Variants in TENM3 observed in about 807,000 individuals in gnomAD.
TENM3 encodes teneurin transmembrane protein 3, also known as teneurin-3.
TENM3 carries 63 observed loss-of-function variants against 255.1 expected under a neutral mutation model. The observed-to-expected ratio is 0.25, with a 90% confidence interval of 0.20 to 0.30. The LOEUF (loss-of-function observed/expected upper bound fraction) is 0.30. Among genes scored for constraint, TENM3 ranks in the 10% least tolerant of loss-of-function variants. The pLI, the probability that TENM3 is intolerant of heterozygous loss-of-function variation, is 1.00. For missense variants in TENM3, 2,929 were observed against 3,461.1 expected (o/e 0.85, Z 3.86); for synonymous variants, 1,306 against 1,322.3 (o/e 0.99, Z 0.27).
chr4:182,096,384 C>G, the TENM3 span, among the ~76,000 whole-genome samples: 1 of 151,874 alleles, frequency 6.6e-6, no homozygotes, highest in Admixed American at 6.6e-5. Context: ...GATTTATCTT[C>G]AAAACTCGTA....
the TENM3 span, among the ~76,000 whole-genome samples, chr4:181,527,786 G>T: frequency 2.0e-5 from 3 of 150,672 alleles, no homozygotes; most frequent in African/African-American, 7.3e-5. Flanking sequence ...TTTACATTGT[G>T]TTACATTTGC....
the TENM3 span, among the ~76,000 whole-genome samples, chr4:181,581,397 T>C: frequency 6.6e-6 from 1 of 152,008 alleles, no homozygotes; most frequent in South Asian, 2.1e-4. Context: ...GCCGAGATAG[T>C]GCCACTGCCC....
At chr4:182,485,072 T>A (rs965095648) in intron 3 of TENM3, among the ~76,000 whole-genome samples, 10 of 152,132 alleles carry the variant, frequency 6.6e-5, no homozygotes, top group African/African-American at 2.4e-4. Context: ...TTATACCTCC[T>A]ATAAATAAAG....
At chr4:182,099,076 C>T in the TENM3 span, among the ~76,000 whole-genome samples, 1 of 149,528 alleles carries the variant, frequency 6.7e-6, no homozygotes, top group African/African-American at 2.5e-5. Context: ...ATTCTTCTGC[C>T]TCAACCTCCC....
chr4:182,410,408 G>A (rs1293725038), intron 3 of TENM3, among the ~76,000 whole-genome samples: 9 of 152,244 alleles, frequency 5.9e-5, no homozygotes, highest in Non-Finnish European at 1.3e-4. Context: ...ACGCAGAGCA[G>A]GGCAGCAGAG....
intron 1 of TENM3, among the ~76,000 whole-genome samples, chr4:182,293,318 G>C (rs17238258): frequency 0.051 from 7,712 of 152,196 alleles, 237 homozygotes; most frequent in Non-Finnish European, 0.075. Flanking sequence ...CTTGCTAACA[G>C]TGGCACCAGA....
intron 1 of TENM3, among the ~76,000 whole-genome samples, chr4:182,310,497 C>G (rs1762378689): frequency 6.6e-6 from 1 of 152,188 alleles, no homozygotes; most frequent in Non-Finnish European, 1.5e-5. Context: ...CTTAGCAACT[C>G]TAATGAAAAG....
chr4:182,071,372 T>C, the TENM3 span, among the ~76,000 whole-genome samples: 2 of 152,152 alleles, frequency 1.3e-5, no homozygotes, highest in Non-Finnish European at 2.9e-5. Flanking sequence ...TCTTGCAGAT[T>C]CAAAGTGTGC....
the TENM3 span, among the ~76,000 whole-genome samples, chr4:181,565,778 T>C: frequency 6.6e-6 from 1 of 152,226 alleles, no homozygotes; most frequent in Non-Finnish European, 1.5e-5. Flanking sequence ...TTGCAATTAA[T>C]CAATTTATTT....
intron 3 of TENM3, among the ~76,000 whole-genome samples, chr4:182,522,415 C>T (rs550968186): frequency 2.6e-5 from 4 of 152,254 alleles, no homozygotes; most frequent in African/African-American, 7.2e-5. Flanking sequence ...CTCAGTCCCA[C>T]GTATGAATGA....
intron 1 of TENM3, among the ~76,000 whole-genome samples, chr4:182,237,439 C>A (rs997112498): frequency 6.7e-6 from 1 of 149,922 alleles, no homozygotes; most frequent in African/African-American, 2.5e-5. Context: ...TATCTCGGCT[C>A]ACTGTAACTT....
the TENM3 span, among the ~76,000 whole-genome samples, chr4:181,787,347 T>A: frequency 6.6e-6 from 1 of 151,740 alleles, no homozygotes; most frequent in Non-Finnish European, 1.5e-5. Context: ...CATCTTTTTT[T>A]TTTTTTTTTG....
At chr4:181,805,645 C>G in the TENM3 span, among the ~76,000 whole-genome samples, 175 of 151,876 alleles carry the variant, frequency 1.2e-3, 1 homozygote, top group Non-Finnish European at 1.8e-3. Context: ...CAAATCTGTT[C>G]CCTCCACCAT....
At chr4:182,569,534 A>G (rs1330164428) in intron 3 of TENM3, among the ~76,000 whole-genome samples, 1 of 151,526 alleles carries the variant, frequency 6.6e-6, no homozygotes, top group Non-Finnish European at 1.5e-5. Flanking sequence ...AGCCTGGGCA[A>G]CAGAGCAAGA....
At chr4:181,492,499 A>T in the TENM3 span, among the ~76,000 whole-genome samples, 1 of 152,230 alleles carries the variant, frequency 6.6e-6, no homozygotes, top group East Asian at 1.9e-4. Context: ...TGCACTTAGC[A>T]GTCTAGTTCT....
At chr4:182,261,967 C>T (rs1015704192) in intron 1 of TENM3, among the ~76,000 whole-genome samples, 1 of 152,144 alleles carries the variant, frequency 6.6e-6, no homozygotes, top group African/African-American at 2.4e-5. Context: ...AAATTGCTGT[C>T]GTCACTTAAT....
chr4:181,894,580 G>A, the TENM3 span, among the ~76,000 whole-genome samples: 1 of 152,148 alleles, frequency 6.6e-6, no homozygotes, highest in Non-Finnish European at 1.5e-5. Flanking sequence ...TTTATAAAGA[G>A]AAGAAGTGAT....
chr4:182,397,356 G>A (rs987368979), intron 3 of TENM3, among the ~76,000 whole-genome samples: 72 of 125,238 alleles, frequency 5.7e-4, no homozygotes, highest in Admixed American at 1.2e-3. Flanking sequence ...AGCCGAGATC[G>A]CACCACTGCA....
intron 3 of TENM3, among the ~76,000 whole-genome samples, chr4:182,359,339 C>T (rs1013239129): frequency 2.0e-5 from 3 of 151,852 alleles, no homozygotes; most frequent in Non-Finnish European, 4.4e-5. Context: ...GCTGTGAATC[C>T]ATCTGGTCCT....
Sources: gnomAD v4.1 joint callset for allele counts (sites outside exome capture counted in the v4.1 genomes callset) on GRCh38, gnomAD v4.1.1 for gene constraint, MANE v1.5 for transcripts, NCBI Gene and HGNC (gene_info 2026-07-23, HGNC 2026-07-21) for gene names.